The following SATB2 variants were observed in gnomAD, a reference collection of about 807,000 sequenced individuals.
SATB2 encodes the protein DNA-binding protein SATB2.
In SATB2, 1 loss-of-function variant was observed where a neutral mutation model predicts 73.4. That is an observed-to-expected ratio of 0.01 (90% confidence interval 0.00 to 0.06). The LOEUF (loss-of-function observed/expected upper bound fraction) is 0.06, where lower values mean the gene tolerates loss of function less well. SATB2 is among the 10% of genes least tolerant of loss of function. The pLI is 1.00. For missense variants in SATB2, 459 were observed against 945.8 expected (o/e 0.49, Z 6.75); for synonymous variants, 397 against 367.0 (o/e 1.08, Z -0.93).
chr2:199,322,947 C>A (rs1012428700), intron 9 of SATB2, among the ~76,000 whole-genome samples: 2 of 152,038 alleles, frequency 1.3e-5, no homozygotes, highest in East Asian at 3.9e-4. Flanking sequence ...AGCTCAGAAT[C>A]AAAGGACTCT....
At chr2:199,283,212 T>C (rs967110937) in intron 10 of SATB2, among the ~76,000 whole-genome samples, 2 of 150,674 alleles carry the variant, frequency 1.3e-5, no homozygotes, top group African/African-American at 2.4e-5. Flanking sequence ...GCCTCTTGAG[T>C]AGCTGGGAAT....
At chr2:199,282,084 T>C (rs1349536354) in intron 10 of SATB2, among the ~76,000 whole-genome samples, 1 of 152,098 alleles carries the variant, frequency 6.6e-6, no homozygotes, top group Non-Finnish European at 1.5e-5. Context: ...TGTTTCACCA[T>C]GTTAGCCAGG....
upstream of SATB2, among the ~76,000 whole-genome samples, chr2:199,462,080 G>A (rs918671933): frequency 2.6e-5 from 4 of 152,190 alleles, no homozygotes; most frequent in African/African-American, 9.6e-5. The surrounding 1 kb of genome is among the most constrained non-coding windows in gnomAD (Gnocchi z 5.9). Context: ...TGGCTTTCAA[G>A]TTCGGTCACC....
intron 2 of SATB2, among the ~76,000 whole-genome samples, chr2:199,452,602 A>AT (rs1401841475): frequency 6.6e-6 from 1 of 152,136 alleles, no homozygotes; most frequent in Non-Finnish European, 1.5e-5. Flanking sequence ...CCCACCATTA[A>AT]TCATCCTTTT....
In SATB2 at chr2:199,380,503, A is replaced by G. The variant is rs754983790; in HGVS notation, c.474-16T>C. ...CTTTGAACAACTGCAAAACAGAGCA[A>G]TAATGAACAATACACAAACCTCAAC... is the stretch of plus-strand genomic sequence containing the variant. On this transcript the variant is annotated splice_polypyrimidine_tract_variant and intron_variant, in intron 4 of 10. Transcript: ENST00000417098. The G allele has an allele frequency of 3.1e-6, 5 of 1,610,988 alleles. No homozygotes were observed. The highest frequency in any genetic ancestry group is 2.5e-6 in the Non-Finnish European group (3 of 1,179,920).
intron 3 of SATB2, among the ~76,000 whole-genome samples, chr2:199,426,559 A>C (rs1691334070): frequency 6.6e-6 from 1 of 152,076 alleles, no homozygotes; most frequent in African/African-American, 2.4e-5. Context: ...GGCCTCCCAA[A>C]GTGCTGGGAT....
intron 6 of SATB2, among the ~76,000 whole-genome samples, chr2:199,364,366 G>A (rs936271674): frequency 2.6e-5 from 4 of 152,080 alleles, no homozygotes; most frequent in Admixed American, 6.6e-5. Context: ...TGGCCTGGAC[G>A]TTTGATCTTG....
At chr2:199,379,775 G>C (rs1454888087) in intron 5 of SATB2, among the ~76,000 whole-genome samples, 2 of 148,704 alleles carry the variant, frequency 1.3e-5, no homozygotes, top group Non-Finnish European at 3.0e-5. Context: ...GAATCCTCTG[G>C]CCTCGGCCTC....
chr2:199,332,064 G>C (rs1263160349), intron 7 of SATB2, among the ~76,000 whole-genome samples: 1 of 151,986 alleles, frequency 6.6e-6, no homozygotes, highest in African/African-American at 2.4e-5. Flanking sequence ...TGAATAGAAA[G>C]GTCATGAATA....
rs1249092587 is a variant in SATB2 at position 199,355,342 on chromosome 2, G to GTA, written c.701-6170_701-6169insTA. On this transcript the variant is annotated intron_variant, in intron 6 of 10. Transcript: ENST00000417098. ...CATATGTATGTGTGTGTGTGTGTGT[G>GTA]TGTATCTATATATATATATATATAT... Among the ~76,000 whole-genome samples, 17 of 5,418 alleles carry GTA rather than the reference G, an allele frequency of 3.1e-3. No homozygotes were observed. The East Asian group carries it at 0.23, about 74-fold the overall frequency. The allele number at this position is 5,418 out of a possible 152,430, so 3.6% of individuals were successfully genotyped here.
At chr2:199,456,995 G>A (rs1185615740) in intron 1 of SATB2, among the ~76,000 whole-genome samples, 1 of 151,854 alleles carries the variant, frequency 6.6e-6, no homozygotes, top group Non-Finnish European at 1.5e-5. Flanking sequence ...CGGGGAAGGA[G>A]GGGAAACACC....
chr2:199,445,639 T>C (rs886127694), intron 2 of SATB2, among the ~76,000 whole-genome samples: 2 of 152,248 alleles, frequency 1.3e-5, no homozygotes. Context: ...AGAGATTCAT[T>C]TGAGAAGGAA....
At chr2:199,324,046 G>A in intron 8 of SATB2, 88 bp from the exon 9 acceptor site, 1 of 1,399,444 alleles carries the variant, frequency 7.1e-7, no homozygotes, top group Non-Finnish European at 1.0e-6. Context: ...ATTTCAGTCA[G>A]CTGATGCCAA....
At position 199,386,442 on chromosome 2, in the gene SATB2, C is replaced by T. The variant is rs145389103; in HGVS notation, c.347-4622G>A. 8.5e-3 allele frequency among the ~76,000 whole-genome samples: 1,290 copies of T among 152,280 alleles called. 7 individuals are homozygous for T. The highest frequency in any genetic ancestry group is 0.014 in the Non-Finnish European group (962 of 68,018). ...CTAGTTACAATTACAACAGCCTCTT[C>T]CTGGCTTCTAAGGAGGGATGCAGAC... On this transcript the variant is annotated intron_variant, in intron 3 of 10. Coordinates refer to ENST00000417098, the MANE Select transcript of SATB2 (RefSeq NM_001172509.2).
chr2:199,300,606 C>T (rs573330844), intron 10 of SATB2, among the ~76,000 whole-genome samples: 6 of 152,024 alleles, frequency 3.9e-5, no homozygotes, highest in African/African-American at 1.4e-4. Flanking sequence ...CTTTTTGTAC[C>T]GATATAAATG....
chr2:199,436,630 T>C (rs1460894913), intron 2 of SATB2, among the ~76,000 whole-genome samples: 1 of 151,986 alleles, frequency 6.6e-6, no homozygotes, highest in African/African-American at 2.4e-5. Context: ...GTTTTTATAA[T>C]GAAATGCAAG....
chr2:199,415,328 GT>G (rs1173719938), intron 3 of SATB2, among the ~76,000 whole-genome samples: 1 of 152,168 alleles, frequency 6.6e-6, no homozygotes, highest in East Asian at 1.9e-4. Flanking sequence ...CAAAGTAACT[GT>G]TGTACACAAT....
intron 6 of SATB2, among the ~76,000 whole-genome samples, chr2:199,352,157 AG>A (rs1471887768): frequency 9.2e-5 from 14 of 152,258 alleles, no homozygotes; most frequent in African/African-American, 3.4e-4. Context: ...TACAGGCGTG[AG>A]CCACTGTACC....
chr2:199,412,441 GA>G (rs1690848982), intron 3 of SATB2, among the ~76,000 whole-genome samples: 1 of 152,158 alleles, frequency 6.6e-6, no homozygotes, highest in Non-Finnish European at 1.5e-5. Flanking sequence ...AGCAAGGAGA[GA>G]GGCTGCCCTT....
Sources: gnomAD v4.1 joint callset for allele counts (sites outside exome capture counted in the v4.1 genomes callset) on GRCh38, gnomAD v4.1.1 for gene constraint, Gnocchi (gnomAD v3.1) non-coding constraint, MANE v1.5 for transcripts, NCBI Gene and HGNC (gene_info 2026-07-23, HGNC 2026-07-21) for gene names.